The following C8orf34 variants were observed in gnomAD, a reference collection of about 807,000 sequenced individuals.
The protein encoded by C8orf34 is chromosome 8 open reading frame 34, also known as uncharacterized protein C8orf34.
In C8orf34, 65 loss-of-function variants were observed where a neutral mutation model predicts 68.3. The observed-to-expected ratio is 0.95, with a 90% CI of 0.78 to 1.17. The LOEUF (loss-of-function observed/expected upper bound fraction) is 1.17, where lower values mean the gene tolerates loss of function less well. Among genes scored for constraint, C8orf34 ranks in the 50% most tolerant of loss-of-function variants. The probability of loss-of-function intolerance (pLI) is 0.00; values close to 1 mark genes in which losing one functional copy is unlikely to be tolerated. For synonymous variants in C8orf34, 244 were observed against 241.2 expected (o/e 1.01, Z -0.11); for missense variants, 664 against 655.4 (o/e 1.01, Z -0.14).
chr8:68,557,217 T>A (rs1219162661), intron 7 of C8orf34, among the ~76,000 whole-genome samples: 2 of 152,230 alleles, frequency 1.3e-5, no homozygotes, highest in Non-Finnish European at 2.9e-5. Flanking sequence ...ACTTGTTACC[T>A]ATTTATATTT....
At chr8:68,350,840 G>C (rs1193234645) in intron 1 of C8orf34, among the ~76,000 whole-genome samples, 4 of 151,920 alleles carry the variant, frequency 2.6e-5, no homozygotes, top group Non-Finnish European at 5.9e-5. Flanking sequence ...TTTATTTTGA[G>C]CCTATGAATG....
intron 1 of C8orf34, among the ~76,000 whole-genome samples, chr8:68,343,123 A>G (rs914503832): frequency 6.6e-6 from 1 of 152,194 alleles, no homozygotes; most frequent in Non-Finnish European, 1.5e-5. Flanking sequence ...CCCTCTAATA[A>G]TCTAAATGCA....
chr8:68,815,813 G>A (rs1346489105), intron 12 of C8orf34, 73 bp from the exon 13 acceptor site: 2 of 1,611,972 alleles, frequency 1.2e-6, no homozygotes, highest in Non-Finnish European at 1.7e-6. Context: ...ATTGGCTAAA[G>A]CGCTAGGGAA....
intron 7 of C8orf34, among the ~76,000 whole-genome samples, chr8:68,549,220 G>T (rs1314611657): frequency 2.0e-5 from 3 of 151,706 alleles, no homozygotes; most frequent in Non-Finnish European, 4.4e-5. Flanking sequence ...CCAGAACTGT[G>T]AGAAAATAAG....
At chr8:68,452,022 C>G (rs573016153) in intron 3 of C8orf34, among the ~76,000 whole-genome samples, 1 of 152,010 alleles carries the variant, frequency 6.6e-6, no homozygotes, top group Admixed American at 6.6e-5. Context: ...TGTGGTTTAT[C>G]TACATTGTGG....
chr8:68,718,192 T>C (rs748149845), intron 9 of C8orf34, among the ~76,000 whole-genome samples: 12 of 152,156 alleles, frequency 7.9e-5, no homozygotes, highest in Non-Finnish European at 1.5e-4. Context: ...CCTACTTCCA[T>C]TGGATTATAT....
intron 8 of C8orf34, among the ~76,000 whole-genome samples, chr8:68,703,258 T>C (rs1821071191): frequency 6.6e-6 from 1 of 152,150 alleles, no homozygotes; most frequent in Non-Finnish European, 1.5e-5. Flanking sequence ...ACTAAGTCAA[T>C]AGAAGGTGAT....
chr8:68,526,271 T>C (rs926765224), intron 6 of C8orf34, among the ~76,000 whole-genome samples: 1 of 152,162 alleles, frequency 6.6e-6, no homozygotes, highest in Non-Finnish European at 1.5e-5. Context: ...GATAAATTTC[T>C]TTTTAAAGCC....
At chr8:68,335,521 C>A (rs912682753) in intron 1 of C8orf34, among the ~76,000 whole-genome samples, 4 of 152,072 alleles carry the variant, frequency 2.6e-5, no homozygotes, top group African/African-American at 9.7e-5. Flanking sequence ...CAAAGCAGTT[C>A]CATTTTATAA....
chr8:68,759,100 A>G (rs1162907880), intron 10 of C8orf34, among the ~76,000 whole-genome samples: 1 of 152,160 alleles, frequency 6.6e-6, no homozygotes, highest in Non-Finnish European at 1.5e-5. Context: ...ACACACACAC[A>G]TATGAAATAT....
At chr8:68,636,425 A>C (rs1169931075) in intron 7 of C8orf34, among the ~76,000 whole-genome samples, 1 of 151,706 alleles carries the variant, frequency 6.6e-6, no homozygotes, top group Non-Finnish European at 1.5e-5. Flanking sequence ...AAAAAAAAAA[A>C]ATACAAAAAA....
At chr8:68,693,508 C>T (rs533280375) in intron 8 of C8orf34, among the ~76,000 whole-genome samples, 2 of 152,140 alleles carry the variant, frequency 1.3e-5, no homozygotes, top group South Asian at 4.1e-4. Context: ...GTTTCTTGTG[C>T]ATGAGAGGAA....
rs572964078 is a variant in C8orf34, at chr8:68,458,904, A to G, written c.608-9788A>G. On this transcript the variant is annotated intron_variant, in intron 3 of 13. Coordinates refer to ENST00000518698, the MANE Select transcript of C8orf34 (RefSeq NM_052958.4). Reference sequence around the variant, plus strand: ...ATTTTTAATTTCTAGATTTATTTAAATCACAGAAGTAATATTTATTTATTT... The same window carrying G: ...ATTTTTAATTTCTAGATTTATTTAAGTCACAGAAGTAATATTTATTTATTT... Among the ~76,000 whole-genome samples the G allele has an allele frequency of 7.0e-4, 106 of 152,336 alleles. 1 individual carries two copies. The highest frequency in any genetic ancestry group is 3.4e-3 in the Middle Eastern group (1 of 294).
intron 13 of C8orf34, among the ~76,000 whole-genome samples, chr8:68,817,660 C>A (rs1824859054): frequency 6.6e-6 from 1 of 152,032 alleles, no homozygotes. Context: ...TTTTCCCTTG[C>A]CATCTGTATT....
At chr8:68,358,525 A>T (rs1285164341) in intron 1 of C8orf34, among the ~76,000 whole-genome samples, 1 of 151,580 alleles carries the variant, frequency 6.6e-6, no homozygotes, top group East Asian at 1.9e-4. Flanking sequence ...TGACATTTCC[A>T]TGTTTATTTG....
chr8:68,381,738 C>CAAAA (rs769290635), intron 1 of C8orf34, among the ~76,000 whole-genome samples: 2,977 of 71,864 alleles, frequency 0.041, 516 homozygotes, highest in African/African-American at 0.11. Flanking sequence ...GACTCCGTCT[C>CAAAA]AAAAAAAAAA....
chr8:68,616,539 C>G (rs573557255), intron 7 of C8orf34, among the ~76,000 whole-genome samples: 46 of 152,282 alleles, frequency 3.0e-4, no homozygotes, highest in African/African-American at 9.1e-4. Flanking sequence ...GCCTTCATTT[C>G]GTTATGTACC....
intron 3 of C8orf34, among the ~76,000 whole-genome samples, chr8:68,461,835 T>C (rs913680827): frequency 3.9e-5 from 6 of 152,020 alleles, no homozygotes; most frequent in Non-Finnish European, 8.8e-5. Context: ...CACTGCAAAA[T>C]CATGCCAAAT....
intron 1 of C8orf34, among the ~76,000 whole-genome samples, chr8:68,406,257 A>G (rs1281238470): frequency 6.6e-6 from 1 of 152,110 alleles, no homozygotes; most frequent in Admixed American, 6.6e-5. Context: ...TCTTTCTTAT[A>G]TGAAGGAAGG....
Sources: gnomAD v4.1 joint callset for allele counts (sites outside exome capture counted in the v4.1 genomes callset) on GRCh38, gnomAD v4.1.1 for gene constraint, MANE v1.5 for transcripts, NCBI Gene and HGNC (gene_info 2026-07-23, HGNC 2026-07-21) for gene names.